Variants in LYRM4 observed in about 807,000 individuals in gnomAD.
The protein encoded by LYRM4 is LYR motif-containing protein 4.
A neutral mutation model predicts 11.7 loss-of-function variants in LYRM4; 9 were observed. The observed-to-expected ratio is 0.77, with a 90% CI of 0.46 to 1.34. The LOEUF is 1.34. Among genes scored for constraint, LYRM4 ranks in the 40% most tolerant of loss-of-function variants. The probability of loss-of-function intolerance (pLI) is 0.00; values close to 1 mark genes in which losing one functional copy is unlikely to be tolerated. For synonymous variants in LYRM4, 42 were observed against 40.4 expected, an observed-to-expected ratio of 1.04 and a Z score of -0.15; for missense variants, 133 against 112.5, an observed-to-expected ratio of 1.18 and a Z score of -0.82.
rs186525079 is a variant in LYRM4, at chr6:5,147,694, T to C, written c.208-38203A>G. ...AATTCACATTCAGAAAATATTTCCA[T>C]GTAGAGACGTCCATCTCCCCTCGGT... On this transcript the variant is annotated intron_variant, in intron 2 of 2. Transcript: ENST00000330636. Among the ~76,000 whole-genome samples the C allele has an allele frequency of 9.8e-5, 15 of 152,330 alleles. No individual in the cohort carries two copies. The East Asian group carries it at 1.9e-3, about 20-fold the overall frequency.
downstream of LYRM4, chr6:5,103,387 G>A (rs1762561208): frequency 6.6e-6 from 1 of 152,178 alleles, no homozygotes; most frequent in African/African-American, 2.4e-5. Flanking sequence ...CAGAGATCCA[G>A]GAAAGATGGC....
chr6:5,139,891 G>A (rs1757311838), intron 2 of LYRM4, among the ~76,000 whole-genome samples: 1 of 149,938 alleles, frequency 6.7e-6, no homozygotes, highest in Non-Finnish European at 1.5e-5. Context: ...AGGCTGGGGG[G>A]CAGTGGTGTG....
the LYRM4 span, chr6:5,034,769 T>G: frequency 7.7e-5 from 1 of 12,992 alleles, no homozygotes; most frequent in African/African-American, 1.5e-4. Context: ...TTTTTTTTTT[T>G]TCAAAAAGCG....
chr6:5,086,037 G>C, the LYRM4 span: 1 of 1,489,034 alleles, frequency 6.7e-7, no homozygotes, highest in Non-Finnish European at 8.9e-7. Flanking sequence ...TGGCCGCGGC[G>C]GCAGTGGCCG....
the LYRM4 span, among the ~76,000 whole-genome samples, chr6:5,080,698 T>A: frequency 6.6e-6 from 1 of 152,118 alleles, no homozygotes; most frequent in African/African-American, 2.4e-5. Context: ...CCTTGAGGGG[T>A]TTGAGAATGC....
chr6:5,260,742 G>T lies in LYRM4; in HGVS notation c.-9C>A. 20 of 1,519,714 alleles carry T rather than the reference G, an allele frequency of 1.3e-5. No homozygotes were observed. The highest frequency in any genetic ancestry group is 7.6e-5 in the East Asian group (3 of 39,704). 94.1% of individuals were successfully genotyped at this position (1,519,714 alleles called of 1,614,324 possible). On this transcript the variant is annotated 5_prime_UTR_variant, in exon 1 of 3. Coordinates refer to ENST00000330636, the MANE Select transcript of LYRM4 (RefSeq NM_020408.6). ...CGACTGGAGGCTGCCATTTTGGAAA[G>T]AAAAAAAAATAAACGGGTCCTCTTC...
chr6:5,095,664 C>T, the LYRM4 span, among the ~76,000 whole-genome samples: 1 of 152,292 alleles, frequency 6.6e-6, no homozygotes, highest in East Asian at 1.9e-4. Flanking sequence ...CCTTAACAAA[C>T]CTCACTGCTG....
chr6:5,140,461 T>C lies in LYRM4; in HGVS notation c.208-30970A>G, dbSNP rs79445944. ...GGAACATTTAAACCTGTATAATGAG[T>C]ATTTCCAAAGTACATAAGGCTGTGG... On this transcript the variant is annotated intron_variant, in intron 2 of 2. Coordinates refer to ENST00000330636, the MANE Select transcript of LYRM4 (RefSeq NM_020408.6). 5.2e-3 allele frequency among the ~76,000 whole-genome samples: 792 copies of C among 152,246 alleles called. 7 individuals are homozygous for C. Among genetic ancestry groups the C allele is most frequent in the African/African-American group, 0.018 (763 of 41,536 alleles).
intron 2 of LYRM4, among the ~76,000 whole-genome samples, chr6:5,158,827 A>G (rs1466354177): frequency 6.6e-6 from 1 of 152,168 alleles, no homozygotes; most frequent in East Asian, 1.9e-4. Flanking sequence ...AGTGGCAGCC[A>G]TTGCCTTTGC....
intron 2 of LYRM4, among the ~76,000 whole-genome samples, chr6:5,140,378 A>T (rs914109564): frequency 2.6e-5 from 4 of 151,680 alleles, no homozygotes; most frequent in South Asian, 4.2e-4. Flanking sequence ...AACAATACTT[A>T]AAAAAAAATA....
At chr6:5,146,059 T>C (rs1757704545) in intron 2 of LYRM4, among the ~76,000 whole-genome samples, 1 of 152,208 alleles carries the variant, frequency 6.6e-6, no homozygotes, top group Non-Finnish European at 1.5e-5. Flanking sequence ...ATCGCTTCAT[T>C]GCTCCAAATA....
In LYRM4 at chr6:5,109,044, T is replaced by C. The variant is rs756796303; in HGVS notation, c.*379A>G. On this transcript the variant is annotated 3_prime_UTR_variant, in exon 3 of 3. Coordinates refer to ENST00000330636, the MANE Select transcript of LYRM4 (RefSeq NM_020408.6). ...CAGTAGGAAATGAAAATGCATTAAT[T>C]GGGAGGGGTTTATCTGGGGTCAAAG... The C allele has an allele frequency of 8.8e-5, 89 of 1,013,754 alleles. No individual in the cohort carries two copies. The highest frequency in any genetic ancestry group is 8.7e-5 in the Non-Finnish European group (74 of 847,170). The allele number at this position is 1,013,754 out of a possible 1,614,324, so 62.8% of individuals were successfully genotyped here.
intron 2 of LYRM4, among the ~76,000 whole-genome samples, chr6:5,114,485 G>A (rs1209528025): frequency 6.6e-6 from 1 of 152,226 alleles, no homozygotes; most frequent in African/African-American, 2.4e-5. Context: ...GAAGGCCGGT[G>A]CAGAGAAGGG....
chr6:5,088,505 A>G, the LYRM4 span: 1 of 152,384 alleles, frequency 6.6e-6, no homozygotes, highest in East Asian at 1.9e-4. Context: ...TTACTGGAAC[A>G]CAGCCGTGCA....
At chr6:5,136,298 A>T in intron 2 of LYRM4, 2 of 985,370 alleles carry the variant, frequency 2.0e-6, no homozygotes, top group Non-Finnish European at 2.4e-6. Context: ...CAATACTTTT[A>T]AAACCAAATC....
chr6:5,051,074 A>C, the LYRM4 span, among the ~76,000 whole-genome samples: 4 of 152,220 alleles, frequency 2.6e-5, no homozygotes, highest in Non-Finnish European at 5.9e-5. Flanking sequence ...GAACAGGCAA[A>C]AGAAAGAATA....
At chr6:5,068,814 C>T in the LYRM4 span, among the ~76,000 whole-genome samples, 11 of 152,264 alleles carry the variant, frequency 7.2e-5, no homozygotes, top group South Asian at 8.3e-4. The surrounding 1 kb of genome is among the most constrained non-coding windows in gnomAD (Gnocchi z 4.0). Context: ...AATGAGTTAT[C>T]CATTTGTAAA....
chr6:5,231,017 C>T (rs1025520969), intron 1 of LYRM4, among the ~76,000 whole-genome samples: 2 of 152,140 alleles, frequency 1.3e-5, no homozygotes, highest in Non-Finnish European at 2.9e-5. Flanking sequence ...TGGCTCACGC[C>T]TGTAATCCCA....
chr6:5,249,835 G>A (rs1764352117), intron 1 of LYRM4, among the ~76,000 whole-genome samples: 1 of 152,164 alleles, frequency 6.6e-6, no homozygotes, highest in South Asian at 2.1e-4. Flanking sequence ...TGAAATCTAT[G>A]ATCTGATGAG....
Sources: gnomAD v4.1 joint callset for allele counts (sites outside exome capture counted in the v4.1 genomes callset) on GRCh38, gnomAD v4.1.1 for gene constraint, Gnocchi (gnomAD v3.1) non-coding constraint, MANE v1.5 for transcripts, NCBI Gene and HGNC (gene_info 2026-07-23, HGNC 2026-07-21) for gene names.